The following TIAM1 variants were observed in gnomAD, a reference collection of about 807,000 sequenced individuals.
TIAM1 encodes the protein TIAM Rac1 associated GEF 1.
In TIAM1, 65 loss-of-function variants were observed where a neutral mutation model predicts 163.5. The ratio of observed to expected loss-of-function variants is 0.40; its 90% CI spans 0.33 to 0.49. The LOEUF is 0.49. TIAM1 is among the 20% of genes least tolerant of loss of function. The probability of loss-of-function intolerance (pLI) is 0.77; values close to 1 mark genes in which losing one functional copy is unlikely to be tolerated. For synonymous variants in TIAM1, 833 were observed against 810.1 expected (o/e 1.03, Z -0.48); for missense variants, 1,789 against 2,044.7 (o/e 0.87, Z 2.41).
chr21:31,436,693 C>G (rs1323047255), intron 2 of TIAM1, among the ~76,000 whole-genome samples: 1 of 152,024 alleles, frequency 6.6e-6, no homozygotes, highest in Non-Finnish European at 1.5e-5. Flanking sequence ...AGCAGTGGCT[C>G]ACACCTGTAA....
chr21:31,328,544 T>G (rs76504998), intron 2 of TIAM1, among the ~76,000 whole-genome samples: 2 of 142,116 alleles, frequency 1.4e-5, no homozygotes, highest in African/African-American at 5.5e-5. Flanking sequence ...CTTATTATTA[T>G]TTTTTTTTTT....
intron 8 of TIAM1, among the ~76,000 whole-genome samples, chr21:31,223,131 T>C (rs140620521): frequency 1.1e-3 from 162 of 152,222 alleles, no homozygotes; most frequent in African/African-American, 3.6e-3. Context: ...TGACAAGAGC[T>C]ATCAACAAAT....
chr21:31,148,962 CT>C (rs75117725), intron 19 of TIAM1, among the ~76,000 whole-genome samples: 1,061 of 31,622 alleles, frequency 0.034, 17 homozygotes, highest in African/African-American at 0.089. Flanking sequence ...TTTTCTTTTT[CT>C]TTTTTTTTTG....
Position 31,554,510 on chromosome 21 carries a change from C to T in TIAM1, c.-422+4417G>A, listed in dbSNP as rs2048805171. Among the ~76,000 whole-genome samples the T allele has an allele frequency of 2.0e-5, 3 of 152,134 alleles. No individual in the cohort carries two copies. In the South Asian group the frequency reaches 6.2e-4, roughly 32 times the overall value. On this transcript the variant is annotated intron_variant, in intron 1 of 28. Transcript: ENST00000286827. The stretch of plus-strand genomic sequence containing the variant: ...TAGGATGCCCCCACTCCAACTACAC[C>T]CAAGTCTTCCTTTAAGGAAAGAAAT...
chr21:31,267,511 T>C (rs1396554341), intron 3 of TIAM1, among the ~76,000 whole-genome samples: 1 of 128,670 alleles, frequency 7.8e-6, no homozygotes, highest in Non-Finnish European at 1.6e-5. Flanking sequence ...ACGTTTCGTT[T>C]TTTCATTTTT....
intron 16 of TIAM1, among the ~76,000 whole-genome samples, chr21:31,163,853 G>A (rs969922757): frequency 2.6e-5 from 4 of 152,064 alleles, no homozygotes; most frequent in African/African-American, 4.8e-5. Flanking sequence ...TAGGTTAAGT[G>A]ACTAGTAAGC....
chr21:31,224,596 A>G (rs1349292497), intron 7 of TIAM1, among the ~76,000 whole-genome samples: 1 of 152,226 alleles, frequency 6.6e-6, no homozygotes, highest in Non-Finnish European at 1.5e-5. Context: ...ACAGGGTTAC[A>G]TTTTGGGCCA....
chr21:31,131,388 T>C (rs774362384), intron 23 of TIAM1, among the ~76,000 whole-genome samples: 1 of 152,222 alleles, frequency 6.6e-6, no homozygotes, highest in Non-Finnish European at 1.5e-5. Context: ...ACAGTGATAA[T>C]TTAGGAAATA....
chr21:31,282,308 T>C (rs1164072237), intron 2 of TIAM1, among the ~76,000 whole-genome samples: 2 of 152,214 alleles, frequency 1.3e-5, no homozygotes, highest in East Asian at 3.8e-4. Flanking sequence ...ACAAATTTCA[T>C]AGGAATGTTT....
chr21:31,329,528 T>C (rs1418273276), intron 2 of TIAM1, among the ~76,000 whole-genome samples: 1 of 149,866 alleles, frequency 6.7e-6, no homozygotes, highest in East Asian at 1.9e-4. Flanking sequence ...TAACCACCCT[T>C]GATGCAGGAA....
At chr21:31,544,360 G>A (rs1281607888) in intron 1 of TIAM1, among the ~76,000 whole-genome samples, 1 of 59,150 alleles carries the variant, frequency 1.7e-5, no homozygotes, top group African/African-American at 3.9e-5. Context: ...CCCTCTTGCT[G>A]TCCCAGACCA....
intron 9 of TIAM1, among the ~76,000 whole-genome samples, chr21:31,214,005 G>C (rs773246823): frequency 2.6e-5 from 4 of 151,874 alleles, no homozygotes; most frequent in African/African-American, 9.7e-5. Context: ...AACAGAGGGA[G>C]ACCTTGTCCC....
At chr21:31,365,906 T>C (rs2076497099) in intron 2 of TIAM1, among the ~76,000 whole-genome samples, 2 of 151,134 alleles carry the variant, frequency 1.3e-5, no homozygotes, top group African/African-American at 4.9e-5. Context: ...ATTGAGACCA[T>C]CCTGGCCAAC....
intron 2 of TIAM1, among the ~76,000 whole-genome samples, chr21:31,403,337 C>T (rs771606779): frequency 1.3e-5 from 2 of 151,996 alleles, no homozygotes; most frequent in African/African-American, 4.8e-5. Context: ...TTAGTAGAGA[C>T]GGGGTTTCAC....
At chr21:31,368,707 A>G (rs2076540627) in intron 2 of TIAM1, among the ~76,000 whole-genome samples, 2 of 152,216 alleles carry the variant, frequency 1.3e-5, no homozygotes, top group African/African-American at 2.4e-5. Flanking sequence ...GGACGGGAGA[A>G]AAACTCAGTA....
intron 5 of TIAM1, among the ~76,000 whole-genome samples, chr21:31,247,548 C>T (rs1041655122): frequency 6.6e-6 from 1 of 151,846 alleles, no homozygotes; most frequent in African/African-American, 2.4e-5. Context: ...GCATATACAA[C>T]CATACCTGGC....
upstream of TIAM1, among the ~76,000 whole-genome samples, chr21:31,348,767 C>A (rs897758252): frequency 7.9e-5 from 12 of 152,168 alleles, no homozygotes; most frequent in African/African-American, 2.7e-4. Flanking sequence ...TTTCTATTCT[C>A]TGAGAGACAA....
chr21:31,342,454 A>G (rs2076049578), intron 1 of TIAM1, among the ~76,000 whole-genome samples: 1 of 152,234 alleles, frequency 6.6e-6, no homozygotes, highest in African/African-American at 2.4e-5. Context: ...AAATGTCCTC[A>G]TGATGGTATC....
intron 15 of TIAM1, among the ~76,000 whole-genome samples, chr21:31,167,951 C>A (rs533650859): frequency 1.3e-5 from 2 of 152,072 alleles, no homozygotes; most frequent in South Asian, 4.2e-4. Flanking sequence ...GGGGCTACAC[C>A]CCTCAGTCTA....
Sources: gnomAD v4.1 joint callset for allele counts (sites outside exome capture counted in the v4.1 genomes callset) on GRCh38, gnomAD v4.1.1 for gene constraint, MANE v1.5 for transcripts, NCBI Gene and HGNC (gene_info 2026-07-23, HGNC 2026-07-21) for gene names.